Variants in SLC4A10 observed in about 807,000 individuals in gnomAD.
The protein encoded by SLC4A10 is solute carrier family 4 member 10.
A neutral mutation model predicts 137.7 loss-of-function variants in SLC4A10; 42 were observed. The ratio of observed to expected loss-of-function variants is 0.30; its 90% CI spans 0.24 to 0.39. The LOEUF is 0.39. SLC4A10 is among the 10% of genes least tolerant of loss of function. The pLI, the probability that SLC4A10 is intolerant of heterozygous loss-of-function variation, is 1.00. For synonymous variants in SLC4A10, 474 were observed against 464.1 expected, an observed-to-expected ratio of 1.02 and a Z score of -0.27; for missense variants, 925 against 1,355.0, an observed-to-expected ratio of 0.68 and a Z score of 4.98.
At chr2:161,788,607 A>G (rs73971360) in intron 2 of SLC4A10, among the ~76,000 whole-genome samples, 4,640 of 152,156 alleles carry the variant, frequency 0.03, 245 homozygotes, top group African/African-American at 0.11. Context: ...GCATATAGAC[A>G]TTGTTCTTTG....
At chr2:161,825,124 A>T (rs1032179242) in intron 3 of SLC4A10, among the ~76,000 whole-genome samples, 1 of 152,216 alleles carries the variant, frequency 6.6e-6, no homozygotes, top group Non-Finnish European at 1.5e-5. Flanking sequence ...TGACTATGTT[A>T]TCATTAAGGC....
rs1375206213 is a variant in SLC4A10 at position 161,752,187 on chromosome 2, T to G, written c.49-18786T>G. On this transcript the variant is annotated intron_variant, in intron 1 of 26. Transcript: ENST00000446997. Reference sequence around the variant, plus strand: ...TGTGTTAAGTGCTGACCTATCTCACTTGAGTAGGTTTTACATGTACCTTCC... The same window carrying G: ...TGTGTTAAGTGCTGACCTATCTCACGTGAGTAGGTTTTACATGTACCTTCC... 2.0e-5 allele frequency among the ~76,000 whole-genome samples: 3 copies of G among 152,000 alleles called. No homozygotes were observed. In the East Asian group the frequency reaches 5.8e-4, roughly 29 times the overall value.
At chr2:161,884,678 T>C (rs1463164961) in intron 10 of SLC4A10, among the ~76,000 whole-genome samples, 1 of 152,166 alleles carries the variant, frequency 6.6e-6, no homozygotes, top group African/African-American at 2.4e-5. Context: ...TTGTAGATTA[T>C]GGGATAGAGA....
chr2:161,752,687 C>T (rs1033142905), intron 1 of SLC4A10, among the ~76,000 whole-genome samples: 2 of 152,022 alleles, frequency 1.3e-5, no homozygotes, highest in Non-Finnish European at 2.9e-5. Context: ...ATCTGGAGGG[C>T]ATTATGTTAA....
intron 26 of SLC4A10, among the ~76,000 whole-genome samples, chr2:161,982,834 TG>T (rs1408056117): frequency 6.6e-6 from 1 of 152,204 alleles, no homozygotes; most frequent in African/African-American, 2.4e-5. Context: ...TGTCTTAAGA[TG>T]GGGGCATGGC....
chr2:161,786,040 G>A (rs2053585458), intron 2 of SLC4A10, among the ~76,000 whole-genome samples: 1 of 151,648 alleles, frequency 6.6e-6, no homozygotes, highest in South Asian at 2.1e-4. Flanking sequence ...CACTGTTATT[G>A]TATATCTGTC....
At chr2:161,625,882 G>A (rs1039078816) in intron 1 of SLC4A10, among the ~76,000 whole-genome samples, 3 of 151,926 alleles carry the variant, frequency 2.0e-5, no homozygotes, top group Admixed American at 1.3e-4. Flanking sequence ...GTCGGGGTAG[G>A]GGGCCGGGAG....
At position 161,815,670 on chromosome 2, in the gene SLC4A10, A is replaced by G. The variant is rs144009063; in HGVS notation, c.277+11075A>G. 1.4e-3 allele frequency among the ~76,000 whole-genome samples: 206 copies of G among 152,220 alleles called. 1 individual carries two copies. Among genetic ancestry groups the G allele is most frequent in the African/African-American group, 4.6e-3 (193 of 41,536 alleles). On this transcript the variant is annotated intron_variant, in intron 3 of 26. Transcript: ENST00000446997. ...AAAAAATTATTGATGCTAGGCTTCA[A>G]CCTCAAGGATTTTTATTTAATTAAT...
chr2:161,660,588 C>CTTTT (rs71408182), intron 1 of SLC4A10, among the ~76,000 whole-genome samples: 1 of 120,926 alleles, frequency 8.3e-6, no homozygotes, highest in Non-Finnish European at 2.0e-5. Flanking sequence ...TTCTTTCTTT[C>CTTTT]TTTCTTTCTT....
At position 161,928,581 on chromosome 2, in the gene SLC4A10, AAAC is replaced by A. The variant is rs202167855; in HGVS notation, c.1998-14208_1998-14206del. 1.5e-3 allele frequency among the ~76,000 whole-genome samples: 225 copies of A among 150,784 alleles called. 1 individual carries two copies. Among genetic ancestry groups the A allele is most frequent in the African/African-American group, 5.2e-3 (213 of 41,276 alleles). On this transcript the variant is annotated intron_variant, in intron 15 of 26. Transcript: ENST00000446997. ...AAAATATCTTGAAAATTAAAAAAAA[AAAC>A]AAACTTCTCAATGGCTGTCCCTCTC...
At chr2:161,625,020 C>T (rs2032004976) in intron 1 of SLC4A10, among the ~76,000 whole-genome samples, 1 of 150,814 alleles carries the variant, frequency 6.6e-6, no homozygotes, top group South Asian at 2.1e-4. Context: ...TGTTGCAGCT[C>T]TAGAGATTTA....
chr2:161,696,775 T>C (rs1295273708), intron 1 of SLC4A10, among the ~76,000 whole-genome samples: 2 of 152,134 alleles, frequency 1.3e-5, no homozygotes, highest in African/African-American at 4.8e-5. Flanking sequence ...TACGTGTGCA[T>C]GTGTCTTTAT....
At chr2:161,815,519 C>CT (rs2056974004) in intron 3 of SLC4A10, among the ~76,000 whole-genome samples, 1 of 152,072 alleles carries the variant, frequency 6.6e-6, no homozygotes, top group Non-Finnish European at 1.5e-5. Flanking sequence ...CAGGGAAGCT[C>CT]TTTATCACAG....
intron 1 of SLC4A10, among the ~76,000 whole-genome samples, chr2:161,653,924 T>A (rs982203010): frequency 6.6e-6 from 1 of 152,202 alleles, no homozygotes; most frequent in African/African-American, 2.4e-5. Flanking sequence ...AGAAGTGGGA[T>A]TGCTGGATTA....
At chr2:161,927,202 G>T (rs1016711767) in intron 15 of SLC4A10, among the ~76,000 whole-genome samples, 1 of 152,178 alleles carries the variant, frequency 6.6e-6, no homozygotes, top group Non-Finnish European at 1.5e-5. Context: ...ACACCAATCG[G>T]ACGTAGATTT....
At chr2:161,743,420 G>A (rs1333316617) in intron 1 of SLC4A10, among the ~76,000 whole-genome samples, 3 of 152,138 alleles carry the variant, frequency 2.0e-5, no homozygotes, top group South Asian at 2.1e-4. Context: ...TCAAAAATGA[G>A]TTCACTGTAG....
chr2:161,826,377 T>C (rs1213367116), intron 3 of SLC4A10, among the ~76,000 whole-genome samples: 1 of 152,198 alleles, frequency 6.6e-6, no homozygotes, highest in Non-Finnish European at 1.5e-5. Context: ...CCAAGGCTTG[T>C]GTACTTCATG....
intron 3 of SLC4A10, among the ~76,000 whole-genome samples, chr2:161,819,733 A>G (rs138901965): frequency 1.3e-5 from 2 of 152,188 alleles, no homozygotes; most frequent in African/African-American, 4.8e-5. Flanking sequence ...TGACCTCGTG[A>G]TCCACCCGCA....
chr2:161,724,793 T>C (rs1482088555), intron 1 of SLC4A10, among the ~76,000 whole-genome samples: 1 of 152,178 alleles, frequency 6.6e-6, no homozygotes, highest in Admixed American at 6.5e-5. Context: ...TTTATTTACA[T>C]TAAGTAGCAC....
Sources: allele counts gnomAD v4.1 joint callset (sites outside exome capture counted in the v4.1 genomes callset), GRCh38; gene constraint gnomAD v4.1.1; transcripts MANE v1.5; gene names NCBI Gene and HGNC (gene_info 2026-07-23, HGNC 2026-07-21).